The following WDR27 variants were observed in gnomAD, a reference collection of about 807,000 sequenced individuals.
WDR27 encodes the protein WD repeat domain 27.
WDR27 carries 100 observed loss-of-function variants against 114.4 expected under a neutral mutation model. That is an observed-to-expected ratio of 0.87 (90% CI 0.74 to 1.03). The LOEUF (loss-of-function observed/expected upper bound fraction) is 1.03, where lower values mean the gene tolerates loss of function less well. Ranked by LOEUF, WDR27 falls within the 50% of genes least tolerant of loss-of-function variation. The pLI is 0.00. For missense variants in WDR27, 1,129 were observed against 1,092.9 expected, an observed-to-expected ratio of 1.03 and a Z score of -0.47; for synonymous variants, 449 against 423.1, an observed-to-expected ratio of 1.06 and a Z score of -0.75.
At chr6:169,667,604 G>A (rs530320071) in intron 5 of WDR27, among the ~76,000 whole-genome samples, 14 of 152,264 alleles carry the variant, frequency 9.2e-5, no homozygotes, top group African/African-American at 2.6e-4. Context: ...AACTGAATTC[G>A]CATTCCATTT....
At chr6:169,694,996 G>A (rs983089523) in intron 1 of WDR27, among the ~76,000 whole-genome samples, 7 of 152,198 alleles carry the variant, frequency 4.6e-5, no homozygotes, top group Non-Finnish European at 8.8e-5. Context: ...ACTGAGTCCC[G>A]GCCAGCAGAG....
At chr6:169,666,961 C>A (rs923782788) in intron 6 of WDR27, 175 bp downstream of exon 6, 2 of 985,424 alleles carry the variant, frequency 2.0e-6, no homozygotes, top group African/African-American at 3.5e-5. Flanking sequence ...CAAGGACATT[C>A]ACTGTTAAGT....
intron 25 of WDR27, among the ~76,000 whole-genome samples, chr6:169,544,829 T>C (rs1181381957): frequency 6.6e-6 from 1 of 152,232 alleles, no homozygotes; most frequent in African/African-American, 2.4e-5. Context: ...GAAAATTATA[T>C]ACCTAGGTAT....
chr6:169,465,258 C>CAAAAAAAAAA (rs56688798), intron 25 of WDR27, among the ~76,000 whole-genome samples: 22 of 101,176 alleles, frequency 2.2e-4, no homozygotes, highest in African/African-American at 7.2e-4. Context: ...AACTCCATCT[C>CAAAAAAAAAA]AAAAAAAAAA....
chr6:169,666,864 A>G (rs1005653457), intron 6 of WDR27: 8 of 985,344 alleles, frequency 8.1e-6, no homozygotes, highest in Middle Eastern at 1.0e-3. Context: ...GTACTCAGGC[A>G]TTTTATCTGA....
At chr6:169,452,253 G>A (rs1409395196), downstream of WDR27, among the ~76,000 whole-genome samples, 1 of 152,218 alleles carries the variant, frequency 6.6e-6, no homozygotes. Flanking sequence ...ACTGCGGCTG[G>A]AACGAACCCA....
chr6:169,499,875 C>T (rs549478615), intron 25 of WDR27, among the ~76,000 whole-genome samples: 4 of 152,192 alleles, frequency 2.6e-5, no homozygotes, highest in Non-Finnish European at 4.4e-5. Flanking sequence ...AGCTGCAGAA[C>T]CCATGCATGT....
intron 21 of WDR27, among the ~76,000 whole-genome samples, chr6:169,626,163 G>A (rs931530289): frequency 6.6e-6 from 1 of 152,202 alleles, no homozygotes; most frequent in Non-Finnish European, 1.5e-5. Context: ...GTGATGATAG[G>A]CGGAGACAAG....
chr6:169,455,206 G>A (rs750459231), downstream of WDR27, among the ~76,000 whole-genome samples: 4 of 152,200 alleles, frequency 2.6e-5, no homozygotes, highest in Non-Finnish European at 4.4e-5. Flanking sequence ...GACTTTGCAC[G>A]GGAGCAGTAT....
intron 25 of WDR27, among the ~76,000 whole-genome samples, chr6:169,507,356 C>T (rs555140643): frequency 1.3e-5 from 2 of 152,330 alleles, no homozygotes; most frequent in Admixed American, 6.5e-5. Context: ...CTTGCAGGTA[C>T]ACACCCACAG....
the WDR27 span, chr6:169,426,424 G>A: frequency 2.0e-5 from 3 of 152,172 alleles, no homozygotes; most frequent in Non-Finnish European, 4.4e-5. Flanking sequence ...CAGGAGTTTT[G>A]ACAAGCCCCT....
chr6:169,594,108 T>C (rs1806307459), intron 23 of WDR27, among the ~76,000 whole-genome samples: 1 of 152,226 alleles, frequency 6.6e-6, no homozygotes. Flanking sequence ...TTTATGGGTA[T>C]TCCAGAGACA....
chr6:169,581,572 A>G (rs7764972), intron 24 of WDR27, among the ~76,000 whole-genome samples: 135,858 of 152,130 alleles, frequency 0.89, 61,258 homozygotes, highest in East Asian at 0.99. Flanking sequence ...TCGCAGTATT[A>G]TTTATAATAG....
intron 1 of WDR27, among the ~76,000 whole-genome samples, chr6:169,699,455 C>T (rs546687662): frequency 3.3e-5 from 5 of 152,270 alleles, no homozygotes; most frequent in African/African-American, 1.2e-4. Flanking sequence ...CACCAGCACA[C>T]AGAGCTGACG....
intron 23 of WDR27, among the ~76,000 whole-genome samples, chr6:169,585,122 A>G (rs1804290158): frequency 6.6e-6 from 1 of 152,202 alleles, no homozygotes; most frequent in Non-Finnish European, 1.5e-5. Flanking sequence ...AAAGAATGAA[A>G]TTGGACCTTT....
At chr6:169,616,051 TATAAGGTAAAGAA>T (rs1811755704) in intron 21 of WDR27, among the ~76,000 whole-genome samples, 1 of 149,386 alleles carries the variant, frequency 6.7e-6, no homozygotes, top group Non-Finnish European at 1.5e-5. Flanking sequence ...AAAAAACAGA[TATAAGGTAAAGAA>T]AGCCTCATTA....
intron 23 of WDR27, among the ~76,000 whole-genome samples, chr6:169,590,211 T>C (rs976933779): frequency 6.6e-6 from 1 of 152,166 alleles, no homozygotes; most frequent in Non-Finnish European, 1.5e-5. Flanking sequence ...AACGTGACCT[T>C]CATTTCCCTT....
At chr6:169,488,146 A>G (rs2860563) in intron 25 of WDR27, among the ~76,000 whole-genome samples, 125,294 of 152,220 alleles carry the variant, frequency 0.82, 52,593 homozygotes, top group African/African-American at 0.92. Context: ...TAGTTGCAAT[A>G]AAGAGAGAAA....
chr6:169,560,284 C>T (rs1381986293), intron 25 of WDR27, among the ~76,000 whole-genome samples: 1 of 152,170 alleles, frequency 6.6e-6, no homozygotes, highest in Non-Finnish European at 1.5e-5. Flanking sequence ...TAAAAAGTGC[C>T]TTTTACCCTC....
Sources: allele counts gnomAD v4.1 joint callset (sites outside exome capture counted in the v4.1 genomes callset), GRCh38; gene constraint gnomAD v4.1.1; transcripts MANE v1.5; gene names NCBI Gene and HGNC (gene_info 2026-07-23, HGNC 2026-07-21).